The following SEPHS1 variants were observed in gnomAD, a reference collection of about 807,000 sequenced individuals.
SEPHS1 encodes selenophosphate synthetase 1.
In SEPHS1, 7 loss-of-function variants were observed where a neutral mutation model predicts 39.2. The observed-to-expected ratio is 0.18, with a 90% CI of 0.10 to 0.34. The LOEUF (loss-of-function observed/expected upper bound fraction) is 0.34, where lower values mean the gene tolerates loss of function less well. SEPHS1 is among the 10% of genes least tolerant of loss of function. The pLI is 1.00. For missense variants in SEPHS1, 253 were observed against 514.5 expected (o/e 0.49, Z 4.92); for synonymous variants, 190 against 195.5 (o/e 0.97, Z 0.23).
intron 2 of SEPHS1, chr10:13,340,584 A>G (rs1427445812): frequency 6.6e-6 from 1 of 152,238 alleles, no homozygotes; most frequent in African/African-American, 2.4e-5. Flanking sequence ...GTTTTCTTTC[A>G]GGCTTCCATT....
intron 6 of SEPHS1, 106 bp from the exon 7 acceptor site, chr10:13,328,556 G>T: frequency 1.3e-6 from 1 of 778,332 alleles, no homozygotes; most frequent in Non-Finnish European, 2.1e-6. Context: ...TAACTTCTAG[G>T]GACTTTAATT....
At chr10:13,323,475 C>T (rs978687969) in intron 7 of SEPHS1, among the ~76,000 whole-genome samples, 1 of 152,140 alleles carries the variant, frequency 6.6e-6, no homozygotes, top group African/African-American at 2.4e-5. Context: ...CTGCCTCAGC[C>T]TCCTGAATAG....
At chr10:13,347,291 C>T (rs117874450) in intron 1 of SEPHS1, 15,343 of 151,882 alleles carry the variant, frequency 0.1, 1,017 homozygotes, top group African/African-American at 0.18. Context: ...CCGCCGGCCC[C>T]GCACAATGGG....
At chr10:13,344,366 T>G (rs1480360147) in intron 2 of SEPHS1, among the ~76,000 whole-genome samples, 1 of 152,164 alleles carries the variant, frequency 6.6e-6, no homozygotes. Flanking sequence ...TTAAAAAGTT[T>G]TTACTGTAAT....
intron 8 of SEPHS1, among the ~76,000 whole-genome samples, chr10:13,320,638 G>A (rs1478859600): frequency 6.6e-5 from 10 of 151,856 alleles, no homozygotes. Context: ...TCAGGAGGTA[G>A]TTCAAGACCA....
Position 13,318,810 on chromosome 10 carries a change from T to C in SEPHS1, c.*332A>G, listed in dbSNP as rs551267037. ...GACACCAACTGCTATTTGACACGAC[T>C]ACGGGTAATGCCTGTGCTATGTGAA... On this transcript the variant is annotated 3_prime_UTR_variant, in exon 9 of 9. Transcript: ENST00000327347. 5.8e-4 allele frequency: 150 copies of C among 259,690 alleles called. No homozygotes were observed. Among genetic ancestry groups the C allele is most frequent in the Non-Finnish European group, 3.1e-4 (43 of 138,982 alleles). 16.1% of individuals were successfully genotyped at this position (259,690 alleles called of 1,614,324 possible).
rs115020017 is a variant in SEPHS1, at chr10:13,332,225, C to T, written c.560+1592G>A. On this transcript the variant is annotated intron_variant, in intron 5 of 8. Coordinates refer to ENST00000327347, the MANE Select transcript of SEPHS1 (RefSeq NM_012247.5). ...TGCGATACCGATTCATGCTACAACA[C>T]GGATGGACCCGGAAAACATTCCGCT... 6.4e-3 allele frequency among the ~76,000 whole-genome samples: 978 copies of T among 152,314 alleles called. 15 individuals are homozygous for T. The highest frequency in any genetic ancestry group is 0.023 in the African/African-American group (950 of 41,558).
chr10:13,332,880 A>C (rs1294215509), intron 5 of SEPHS1, among the ~76,000 whole-genome samples: 1 of 151,990 alleles, frequency 6.6e-6, no homozygotes, highest in East Asian at 1.9e-4. Context: ...TGTCTTAAAA[A>C]TAGGATTAAA....
intron 3 of SEPHS1, among the ~76,000 whole-genome samples, chr10:13,338,204 G>A (rs1460990453): frequency 2.0e-5 from 3 of 152,172 alleles, no homozygotes; most frequent in Non-Finnish European, 4.4e-5. Context: ...AAGTGGCTGG[G>A]TTGAGTGAAT....
chr10:13,343,899 G>C (rs1329688751), intron 2 of SEPHS1, among the ~76,000 whole-genome samples: 3 of 152,180 alleles, frequency 2.0e-5, no homozygotes, highest in Non-Finnish European at 4.4e-5. Flanking sequence ...CACAAGAAAA[G>C]TGATCACAGT....
At chr10:13,324,964 C>G (rs1334238018) in intron 7 of SEPHS1, among the ~76,000 whole-genome samples, 1 of 152,132 alleles carries the variant, frequency 6.6e-6, no homozygotes, top group Non-Finnish European at 1.5e-5. Context: ...GCGTTATCTT[C>G]TTTCATGGTG....
In SEPHS1 at chr10:13,317,548, G is replaced by A. The variant is rs1467429523; in HGVS notation, c.*1594C>T. On this transcript the variant is annotated 3_prime_UTR_variant, in exon 9 of 9. Transcript: ENST00000327347. Reference sequence around the variant, plus strand: ...CCAATCACTTTCAGTTCCGTAGCAGGCTCTTCCATACTGCACACCATGCTT... The same window carrying A: ...CCAATCACTTTCAGTTCCGTAGCAGACTCTTCCATACTGCACACCATGCTT... 1 of 152,154 alleles carries A rather than the reference G, an allele frequency of 6.6e-6. No individual in the cohort carries two copies. The highest frequency in any genetic ancestry group is 2.4e-5 in the African/African-American group (1 of 41,426). The allele number at this position is 152,154 out of a possible 1,614,324, so 9.4% of individuals were successfully genotyped here.
intron 2 of SEPHS1, among the ~76,000 whole-genome samples, chr10:13,344,129 G>T (rs188846277): frequency 1.3e-5 from 2 of 152,076 alleles, no homozygotes; most frequent in African/African-American, 2.4e-5. Context: ...CCTCCTCACC[G>T]TAACACGCTT....
chr10:13,345,017 T>C lies in SEPHS1; in HGVS notation c.-67A>G. 7.5e-7 allele frequency: 1 copy of C among 1,339,562 alleles called. No individual in the cohort carries two copies. Among genetic ancestry groups the C allele is most frequent in the East Asian group, 2.7e-5 (1 of 37,264 alleles). 83.0% of individuals were successfully genotyped at this position (1,339,562 alleles called of 1,614,324 possible). ...TCCCTCTGCGGGTTGGCTGGGTTCT[T>C]TATGGATCCACCTGGGTGTCACCAA... On this transcript the variant is annotated 5_prime_UTR_variant, in exon 2 of 9. Transcript: ENST00000327347.
At chr10:13,326,562 T>C (rs1833299982) in intron 7 of SEPHS1, among the ~76,000 whole-genome samples, 1 of 151,928 alleles carries the variant, frequency 6.6e-6, no homozygotes, top group South Asian at 2.1e-4. Flanking sequence ...TTTTTTTTTT[T>C]TTTGAGACAT....
chr10:13,319,847 T>C (rs896128570), intron 8 of SEPHS1, among the ~76,000 whole-genome samples: 4 of 152,134 alleles, frequency 2.6e-5, no homozygotes, highest in Admixed American at 2.6e-4. Context: ...ACATATACAC[T>C]CCAACTTTCA....
intron 8 of SEPHS1, chr10:13,322,134 TTC>T (rs1379701176): frequency 2.6e-6 from 1 of 385,878 alleles, no homozygotes; most frequent in African/African-American, 2.6e-5. Flanking sequence ...TTCTGTATCA[TTC>T]TCTTTTCTTT....
At chr10:13,336,780 C>A (rs1486603846) in intron 3 of SEPHS1, among the ~76,000 whole-genome samples, 1 of 134,914 alleles carries the variant, frequency 7.4e-6, no homozygotes, top group African/African-American at 2.5e-5. Flanking sequence ...GCCACATATC[C>A]CAAACAGATT....
At chr10:13,345,934 G>T (rs1833908951) in intron 1 of SEPHS1, among the ~76,000 whole-genome samples, 1 of 152,194 alleles carries the variant, frequency 6.6e-6, no homozygotes, top group Admixed American at 6.5e-5. Context: ...CTCTCTAAAG[G>T]GCACAACTTA....
Sources: gnomAD v4.1 joint callset for allele counts (sites outside exome capture counted in the v4.1 genomes callset) on GRCh38, gnomAD v4.1.1 for gene constraint, MANE v1.5 for transcripts, NCBI Gene and HGNC (gene_info 2026-07-23, HGNC 2026-07-21) for gene names.